C2orf80: variants seen among roughly 807,000 people sequenced by gnomAD.
C2orf80 encodes uncharacterized protein C2orf80.
Under a neutral mutation model 30.2 loss-of-function variants are expected in C2orf80, and 28 were observed. The observed-to-expected ratio is 0.93, with a 90% CI of 0.69 to 1.27. The LOEUF (loss-of-function observed/expected upper bound fraction) is 1.27. Among genes scored for constraint, C2orf80 ranks in the 50% most tolerant of loss-of-function variants. The pLI is 0.00. For missense variants in C2orf80, 220 were observed against 231.0 expected (o/e 0.95, Z 0.31); for synonymous variants, 80 against 76.4 (o/e 1.05, Z -0.24).
intron 8 of C2orf80, among the ~76,000 whole-genome samples, chr2:208,169,269 T>TTGTCTGTGTGTGTGTG (rs1696014808): frequency 7.2e-6 from 1 of 137,968 alleles, no homozygotes; most frequent in Non-Finnish European, 1.6e-5. Context: ...AAAGTCTAGA[T>TTGTCTGTGTGTGTGTG]TGTGTGTGTG....
chr2:208,165,897 A>G (rs746139343), intron 8 of C2orf80, 82 bp from the exon 9 acceptor site: 223 of 887,064 alleles, frequency 2.5e-4, no homozygotes, highest in Non-Finnish European at 3.8e-4. Flanking sequence ...ATAGGAAGTT[A>G]AGGTCAAATA....
Position 208,181,282 on chromosome 2 carries a change from GGT to G in C2orf80, c.228_229del (p.Arg76SerfsTer7), listed in dbSNP as rs1559343238. 4.3e-6 allele frequency: 7 copies of G among 1,609,714 alleles called. No homozygotes were observed. The highest frequency in any genetic ancestry group is 6.0e-6 in the Non-Finnish European group (7 of 1,176,230). On this transcript the variant is annotated frameshift_variant, in exon 5 of 9. Transcript: ENST00000341287. LOFTEE classifies it high-confidence loss of function. Reference sequence around the variant, plus strand: ...TCGTTCTCTACGATTTGGATATATGGGTCTGCCATGGAGTGGTATTTTCCTAA... The same window carrying G: ...TCGTTCTCTACGATTTGGATATATGGCTGCCATGGAGTGGTATTTTCCTAA...
At chr2:208,182,180 C>A (rs1194883043) in intron 4 of C2orf80, among the ~76,000 whole-genome samples, 2 of 152,066 alleles carry the variant, frequency 1.3e-5, no homozygotes, top group Non-Finnish European at 2.9e-5. Context: ...GTGTTCTTAC[C>A]AATTGAGTGA....
chr2:208,173,851 ATTTG>A (rs1295676378), intron 6 of C2orf80, among the ~76,000 whole-genome samples: 1 of 152,010 alleles, frequency 6.6e-6, no homozygotes. Context: ...ACACACTTGG[ATTTG>A]TTTGTTTGCT....
In C2orf80 at chr2:208,182,949, A is replaced by G. The variant is rs766774250; in HGVS notation, c.206+16T>C. ...CACAAATTAAAGAGGAAAGCAACAA[A>G]CCTACTTCAACTTACAGTTCCTCCC... On this transcript the variant is annotated intron_variant, in intron 4 of 8. Transcript: ENST00000341287. 3 of 1,600,074 alleles carry G rather than the reference A, an allele frequency of 1.9e-6. No homozygotes were observed. In the South Asian group the frequency reaches 3.3e-5, roughly 18 times the overall value.
intron 1 of C2orf80, among the ~76,000 whole-genome samples, chr2:208,187,441 G>A (rs988207325): frequency 6.6e-6 from 1 of 152,096 alleles, no homozygotes; most frequent in African/African-American, 2.4e-5. Flanking sequence ...CTCCCAGTGA[G>A]TTCACCCTGG....
At chr2:208,188,778 C>T (rs1216581293) in intron 1 of C2orf80, among the ~76,000 whole-genome samples, 1 of 152,174 alleles carries the variant, frequency 6.6e-6, no homozygotes, top group Non-Finnish European at 1.5e-5. Flanking sequence ...GCTGCTACAT[C>T]TGCTTTAGTT....
rs73065242 is a variant in C2orf80 at position 208,176,911 on chromosome 2, A to G, written c.366+3834T>C. On this transcript the variant is annotated intron_variant, in intron 6 of 8. Coordinates refer to ENST00000341287, the MANE Select transcript of C2orf80 (RefSeq NM_001099334.3). ...GGTGTATATATATACATATCTGTGT[A>G]TACATATCTGTATACATATGTATAC... 6.5e-5 allele frequency among the ~76,000 whole-genome samples: 7 copies of G among 107,378 alleles called. 1 individual carries two copies. The East Asian group carries it at 3.7e-3, about 57-fold the overall frequency. The allele number at this position is 107,378 out of a possible 152,430, so 70.4% of individuals were successfully genotyped here.
chr2:208,183,203 A>ATT lies in C2orf80; in HGVS notation c.124-158_124-157dup, dbSNP rs71036988. ...CTTTAATAACCTGATGCTCGGCCAG[A>ATT]TTTTTTTTTTTTTTTCTGAGACCTC... On this transcript the variant is annotated intron_variant, in intron 3 of 8. Coordinates refer to ENST00000341287, the MANE Select transcript of C2orf80 (RefSeq NM_001099334.3). Among the ~76,000 whole-genome samples the ATT allele has an allele frequency of 7.5e-3, 1,095 of 145,588 alleles. 14 individuals carry two copies. Among genetic ancestry groups the ATT allele is most frequent in the African/African-American group, 0.021 (821 of 39,694 alleles).
intron 4 of C2orf80, among the ~76,000 whole-genome samples, chr2:208,182,215 T>G (rs529558413): frequency 1.6e-3 from 237 of 152,300 alleles, no homozygotes; most frequent in African/African-American, 4.8e-3. Context: ...TCCCTATACA[T>G]GACAGAAAAT....
chr2:208,179,287 T>C (rs1559342158), intron 6 of C2orf80, among the ~76,000 whole-genome samples: 1 of 152,218 alleles, frequency 6.6e-6, no homozygotes. Context: ...GATAGGAAAG[T>C]TGGTTTCAAT....
rs185404151 is a variant in C2orf80, at chr2:208,169,873, T to C, written c.573+1072A>G. ...AATAACATTTATTAAAACCCTGATA[T>C]GACCAAAGAATTCAATCAGTTCCTA... On this transcript the variant is annotated intron_variant, in intron 8 of 8. Coordinates refer to ENST00000341287, the MANE Select transcript of C2orf80 (RefSeq NM_001099334.3). 1.3e-3 allele frequency among the ~76,000 whole-genome samples: 197 copies of C among 152,282 alleles called. 4 individuals are homozygous for C. The highest frequency in any genetic ancestry group is 0.012 in the Admixed American group (183 of 15,288).
At chr2:208,188,448 A>AT (rs1177780286) in intron 1 of C2orf80, among the ~76,000 whole-genome samples, 5,081 of 140,122 alleles carry the variant, frequency 0.036, 261 homozygotes, top group African/African-American at 0.12. Flanking sequence ...ATTATTTTGG[A>AT]TTTTTTTTTT....
At chr2:208,176,615 T>C (rs1696305132) in intron 6 of C2orf80, among the ~76,000 whole-genome samples, 1 of 152,124 alleles carries the variant, frequency 6.6e-6, no homozygotes, top group Non-Finnish European at 1.5e-5. Context: ...AAGCTATTAT[T>C]TGGAGGTTAC....
chr2:208,186,627 C>T (rs912554433), intron 2 of C2orf80, among the ~76,000 whole-genome samples: 1 of 152,202 alleles, frequency 6.6e-6, no homozygotes, highest in Non-Finnish European at 1.5e-5. Context: ...GCAGGGCCAG[C>T]CCCTTTCAAC....
At position 208,180,777 on chromosome 2, in the gene C2orf80, C is replaced by T. The variant is rs757472234; in HGVS notation, c.334G>A (p.Ala112Thr). ...PIEEVFKIYG[A>T]DSSADSGTIK... ...GTACCAGAATCGGCAGAAGAATCAG[C>T]CCCATAAATTTTAAAGACTTCCTCA... The change falls in exon 6 of 9, where the codon GCT becomes ACT. Residue 112 changes from alanine (A) to threonine (T), a missense_variant. By Grantham distance (58) the Ala-to-Thr change is moderately conservative. Coordinates refer to ENST00000341287, the MANE Select transcript of C2orf80 (RefSeq NM_001099334.3). 16 of 1,613,470 alleles carry T rather than the reference C, an allele frequency of 9.9e-6. No individual in the cohort carries two copies. The highest frequency in any genetic ancestry group is 1.3e-5 in the African/African-American group (1 of 74,882).
At chr2:208,167,150 TCATTC>T (rs1695921388) in intron 8 of C2orf80, among the ~76,000 whole-genome samples, 1 of 152,170 alleles carries the variant, frequency 6.6e-6, no homozygotes, top group African/African-American at 2.4e-5. Context: ...ATGGTCGTGT[TCATTC>T]CAAATTTACT....
At chr2:208,166,892 C>T (rs542685671) in intron 8 of C2orf80, among the ~76,000 whole-genome samples, 3 of 152,150 alleles carry the variant, frequency 2.0e-5, no homozygotes, top group African/African-American at 4.8e-5. Flanking sequence ...CCTCGTGATC[C>T]GCCCGCCTCG....
chr2:208,187,941 T>G (rs1696765314), intron 1 of C2orf80, among the ~76,000 whole-genome samples: 1 of 152,118 alleles, frequency 6.6e-6, no homozygotes, highest in Non-Finnish European at 1.5e-5. Context: ...AGGCAGCCTT[T>G]GGATTCAAAC....
Sources: gnomAD v4.1 joint callset for allele counts (sites outside exome capture counted in the v4.1 genomes callset) on GRCh38, gnomAD v4.1.1 for gene constraint, MANE v1.5 for transcripts, NCBI Gene and HGNC (gene_info 2026-07-23, HGNC 2026-07-21) for gene names.